The following COL21A1 variants were observed in gnomAD, a reference collection of about 807,000 sequenced individuals.
The protein encoded by COL21A1 is collagen alpha-1(XXI) chain.
A neutral mutation model predicts 137.9 loss-of-function variants in COL21A1; 149 were observed. The ratio of observed to expected loss-of-function variants is 1.08; its 90% CI spans 0.95 to 1.24. COL21A1 has a LOEUF of 1.24. Ranked by LOEUF, COL21A1 falls within the 50% of genes most tolerant of loss-of-function variation. The pLI is 0.00. For missense variants in COL21A1, 1,167 were observed against 1,158.4 expected (o/e 1.01, Z -0.11); for synonymous variants, 456 against 391.5 (o/e 1.16, Z -1.95).
intron 1 of COL21A1, among the ~76,000 whole-genome samples, chr6:56,355,478 A>G (rs987232898): frequency 1.3e-5 from 2 of 152,240 alleles, no homozygotes; most frequent in African/African-American, 4.8e-5. Context: ...AGGTCTATCA[A>G]CCAATTGTAA....
chr6:56,094,770 C>A (rs1582316476), intron 17 of COL21A1, among the ~76,000 whole-genome samples: 2 of 152,084 alleles, frequency 1.3e-5, no homozygotes. Context: ...ATGAGACAGG[C>A]AATTAGGAGG....
intron 1 of COL21A1, among the ~76,000 whole-genome samples, chr6:56,346,408 T>C (rs1765598898): frequency 6.6e-6 from 1 of 152,224 alleles, no homozygotes; most frequent in Non-Finnish European, 1.5e-5. Flanking sequence ...TTGTTGCAGG[T>C]ATAGCAATAA....
At chr6:56,250,889 T>C (rs1205667376), upstream of COL21A1, among the ~76,000 whole-genome samples, 1 of 152,234 alleles carries the variant, frequency 6.6e-6, no homozygotes, top group African/African-American at 2.4e-5. Context: ...TTTAAATGTT[T>C]AAATTTACAA....
intron 1 of COL21A1, among the ~76,000 whole-genome samples, chr6:56,300,522 AT>A (rs1027540696): frequency 6.6e-6 from 1 of 152,124 alleles, no homozygotes; most frequent in African/African-American, 2.4e-5. Flanking sequence ...TGTTTAATAT[AT>A]TTTTTCATAC....
intron 12 of COL21A1, among the ~76,000 whole-genome samples, chr6:56,131,233 C>G (rs1442580118): frequency 6.6e-6 from 1 of 151,544 alleles, no homozygotes; most frequent in Admixed American, 6.6e-5. Flanking sequence ...TAATAACTTG[C>G]AAAGGCAAAT....
intron 17 of COL21A1, among the ~76,000 whole-genome samples, chr6:56,098,698 T>TATATATATAA (rs1265003596): frequency 2.8e-5 from 2 of 70,710 alleles, no homozygotes; most frequent in Admixed American, 2.4e-4. Flanking sequence ...AATATATAAA[T>TATATATATAA]ATATATATAA....
intron 1 of COL21A1, among the ~76,000 whole-genome samples, chr6:56,237,301 G>A (rs956257104): frequency 1.3e-5 from 2 of 151,996 alleles, no homozygotes. Flanking sequence ...AGTAAAACAG[G>A]TTTGCCCTGT....
At chr6:56,074,594 ACTTTTT>A (rs1484326165) in intron 19 of COL21A1, among the ~76,000 whole-genome samples, 1 of 151,356 alleles carries the variant, frequency 6.6e-6, no homozygotes, top group African/African-American at 2.4e-5. Flanking sequence ...TTTTTTCTAC[ACTTTTT>A]CTTTTGTTAG....
chr6:56,124,417 C>T, intron 14 of COL21A1, 125 bp from the exon 15 acceptor site: 1 of 827,324 alleles, frequency 1.2e-6, no homozygotes, highest in Non-Finnish European at 2.0e-6. Flanking sequence ...GGAACTACAA[C>T]TCATGTTGAC....
chr6:56,312,649 A>G (rs1001187080), intron 1 of COL21A1, among the ~76,000 whole-genome samples: 9 of 152,212 alleles, frequency 5.9e-5, no homozygotes, highest in African/African-American at 1.9e-4. Flanking sequence ...TGAAGGCTAG[A>G]AGAGATTTTA....
chr6:56,116,738 A>G (rs1163593415), intron 16 of COL21A1, among the ~76,000 whole-genome samples: 1 of 152,034 alleles, frequency 6.6e-6, no homozygotes, highest in Non-Finnish European at 1.5e-5. Flanking sequence ...AATAATAACT[A>G]TAACAACTTT....
intron 1 of COL21A1, among the ~76,000 whole-genome samples, chr6:56,196,331 C>T (rs1779022866): frequency 1.3e-5 from 2 of 152,106 alleles, no homozygotes; most frequent in South Asian, 4.1e-4. Context: ...CCCAGTCTCA[C>T]TACTTCTCTA....
chr6:56,116,982 T>TC (rs1195239099), intron 16 of COL21A1, among the ~76,000 whole-genome samples: 1 of 151,720 alleles, frequency 6.6e-6, no homozygotes, highest in Non-Finnish European at 1.5e-5. Context: ...CTAAGTTATA[T>TC]CACCAGAGAA....
At chr6:56,320,254 G>T (rs1764833142) in intron 1 of COL21A1, among the ~76,000 whole-genome samples, 2 of 151,862 alleles carry the variant, frequency 1.3e-5, no homozygotes, top group Non-Finnish European at 2.9e-5. Flanking sequence ...AAATCTTGTT[G>T]GTTCTGCCTT....
At chr6:56,119,910 A>C (rs541813539) in intron 16 of COL21A1, among the ~76,000 whole-genome samples, 1 of 152,294 alleles carries the variant, frequency 6.6e-6, no homozygotes, top group African/African-American at 2.4e-5. Flanking sequence ...AATCAAATCA[A>C]AATTGACTAA....
chr6:56,389,708 T>C (rs1279047809), intron 1 of COL21A1, among the ~76,000 whole-genome samples: 5 of 152,136 alleles, frequency 3.3e-5, no homozygotes, highest in Non-Finnish European at 5.9e-5. Context: ...AAATAACATA[T>C]AAAGGAGCTT....
chr6:56,162,613 T>C (rs1582524040), intron 9 of COL21A1, among the ~76,000 whole-genome samples: 1 of 152,168 alleles, frequency 6.6e-6, no homozygotes, highest in East Asian at 1.9e-4. Flanking sequence ...CTGGAGATGG[T>C]AGAGGTGGCT....
chr6:56,121,923 G>T (rs1452971894), intron 16 of COL21A1, among the ~76,000 whole-genome samples: 1 of 151,658 alleles, frequency 6.6e-6, no homozygotes, highest in African/African-American at 2.4e-5. Flanking sequence ...GTTTTTAGGA[G>T]ACCCATGCTA....
At chr6:56,189,868 T>A (rs192185090) in intron 1 of COL21A1, among the ~76,000 whole-genome samples, 14 of 152,296 alleles carry the variant, frequency 9.2e-5, no homozygotes, top group African/African-American at 2.9e-4. Context: ...CCAGCCAAAC[T>A]AAGCTTCATA....
Sources: gnomAD v4.1 joint callset for allele counts (sites outside exome capture counted in the v4.1 genomes callset) on GRCh38, gnomAD v4.1.1 for gene constraint, MANE v1.5 for transcripts, NCBI Gene and HGNC (gene_info 2026-07-23, HGNC 2026-07-21) for gene names.